ADAMTS6: variants seen among roughly 807,000 people sequenced by gnomAD.
ADAMTS6 encodes ADAM metallopeptidase with thrombospondin type 1 motif 6.
In ADAMTS6, 23 loss-of-function variants were observed where a neutral mutation model predicts 144.3. The observed-to-expected ratio is 0.16, with a 90% confidence interval of 0.11 to 0.23. ADAMTS6 has a LOEUF of 0.23. Among genes scored for constraint, ADAMTS6 ranks in the 10% least tolerant of loss-of-function variants. ADAMTS6 has a pLI of 1.00. For synonymous variants in ADAMTS6, 444 were observed against 457.5 expected, an observed-to-expected ratio of 0.97 and a Z score of 0.38; for missense variants, 999 against 1,379.6, an observed-to-expected ratio of 0.72 and a Z score of 4.37.
chr5:65,374,347 T>C (rs1312919741), intron 7 of ADAMTS6, among the ~76,000 whole-genome samples: 2 of 150,342 alleles, frequency 1.3e-5, no homozygotes, highest in Admixed American at 1.3e-4. Flanking sequence ...CATGATTGTA[T>C]ATCTAGAAAA....
intron 7 of ADAMTS6, among the ~76,000 whole-genome samples, chr5:65,383,944 C>T (rs769923872): frequency 4.6e-5 from 7 of 152,170 alleles, no homozygotes; most frequent in African/African-American, 9.7e-5. Flanking sequence ...GATCTACCAC[C>T]CATGCCTTTT....
At chr5:65,194,454 T>A (rs1414871529) in intron 21 of ADAMTS6, among the ~76,000 whole-genome samples, 1 of 152,172 alleles carries the variant, frequency 6.6e-6, no homozygotes, top group Non-Finnish European at 1.5e-5. Flanking sequence ...CTGAGCACAT[T>A]TACGGTGCAC....
intron 8 of ADAMTS6, among the ~76,000 whole-genome samples, chr5:65,329,958 A>G (rs184597889): frequency 1.3e-5 from 2 of 152,260 alleles, no homozygotes; most frequent in Non-Finnish European, 2.9e-5. Context: ...TATTTTTATT[A>G]AAAAATAAAA....
At chr5:65,341,001 T>C (rs554203070) in intron 7 of ADAMTS6, among the ~76,000 whole-genome samples, 44 of 152,096 alleles carry the variant, frequency 2.9e-4, no homozygotes, top group Non-Finnish European at 5.2e-4. Context: ...CTCTCAGCAT[T>C]GGACAGATCA....
At chr5:65,259,509 T>C (rs145318276) in intron 14 of ADAMTS6, among the ~76,000 whole-genome samples, 6 of 152,170 alleles carry the variant, frequency 3.9e-5, no homozygotes, top group Non-Finnish European at 8.8e-5. Context: ...GAAAGTGAAG[T>C]AGTAAGCTGA....
chr5:65,472,083 T>C (rs1196584216), intron 2 of ADAMTS6, among the ~76,000 whole-genome samples: 1 of 152,220 alleles, frequency 6.6e-6, no homozygotes, highest in African/African-American at 2.4e-5. Flanking sequence ...AGGAATGCAG[T>C]AGTGATACAT....
chr5:65,432,337 A>C (rs921721954), intron 7 of ADAMTS6, among the ~76,000 whole-genome samples: 1 of 151,524 alleles, frequency 6.6e-6, no homozygotes, highest in Non-Finnish European at 1.5e-5. Context: ...CTCATCAAAA[A>C]CTCCCCATCT....
chr5:65,398,840 GAAAGAAAGAAAA>G (rs1218762463), intron 7 of ADAMTS6, among the ~76,000 whole-genome samples: 20 of 121,410 alleles, frequency 1.6e-4, no homozygotes, highest in East Asian at 1.1e-3. Context: ...AAGAAAGAAA[GAAAGAAAGAAAA>G]AGAAAGAGAA....
chr5:65,218,505 C>T (rs1309380022), intron 18 of ADAMTS6, among the ~76,000 whole-genome samples: 4 of 151,954 alleles, frequency 2.6e-5, no homozygotes, highest in Admixed American at 2.0e-4. Flanking sequence ...AGAAACAGAC[C>T]CAGAAATAAC....
chr5:65,406,954 A>C (rs1019493002), intron 7 of ADAMTS6, among the ~76,000 whole-genome samples: 1 of 152,174 alleles, frequency 6.6e-6, no homozygotes, highest in Non-Finnish European at 1.5e-5. Flanking sequence ...AAAAAGAAAC[A>C]GACAAAGCCT....
chr5:65,407,822 A>T (rs1754683755), intron 7 of ADAMTS6, among the ~76,000 whole-genome samples: 1 of 152,156 alleles, frequency 6.6e-6, no homozygotes, highest in Non-Finnish European at 1.5e-5. Context: ...GGCACTATTC[A>T]CAATAGCAAA....
intron 20 of ADAMTS6, among the ~76,000 whole-genome samples, chr5:65,205,716 A>G (rs906080311): frequency 6.6e-6 from 1 of 152,226 alleles, no homozygotes. Context: ...AATAAATGCA[A>G]TAGTATAGGT....
chr5:65,286,843 G>A (rs968596326), intron 11 of ADAMTS6, among the ~76,000 whole-genome samples: 1 of 152,040 alleles, frequency 6.6e-6, no homozygotes, highest in Non-Finnish European at 1.5e-5. Flanking sequence ...TCCTTCCTAC[G>A]TTTAAACTTA....
chr5:65,398,804 GA>G (rs150395612), intron 7 of ADAMTS6, among the ~76,000 whole-genome samples: 11 of 82,620 alleles, frequency 1.3e-4, no homozygotes, highest in Non-Finnish European at 2.9e-4. Context: ...AAGAAAGAAA[GA>G]AAGAAAGAAA....
At chr5:65,375,770 CA>C (rs1252072066) in intron 7 of ADAMTS6, among the ~76,000 whole-genome samples, 1 of 152,082 alleles carries the variant, frequency 6.6e-6, no homozygotes, top group Non-Finnish European at 1.5e-5. Context: ...GATATATACC[CA>C]AAGGATTATA....
intron 2 of ADAMTS6, among the ~76,000 whole-genome samples, chr5:65,472,703 A>G (rs1760557212): frequency 6.6e-6 from 1 of 152,210 alleles, no homozygotes; most frequent in African/African-American, 2.4e-5. Context: ...ACACACTAAT[A>G]TAAACTCCTA....
intron 11 of ADAMTS6, among the ~76,000 whole-genome samples, chr5:65,274,008 T>C (rs1228203724): frequency 6.6e-6 from 1 of 152,168 alleles, no homozygotes; most frequent in Non-Finnish European, 1.5e-5. Context: ...AACAACGTTA[T>C]TTTCAGTACA....
At chr5:65,224,095 T>C (rs1456970410) in intron 18 of ADAMTS6, among the ~76,000 whole-genome samples, 1 of 152,126 alleles carries the variant, frequency 6.6e-6, no homozygotes, top group Non-Finnish European at 1.5e-5. Flanking sequence ...CCACAGCGCC[T>C]GGCCTGATTT....
intron 22 of ADAMTS6, among the ~76,000 whole-genome samples, chr5:65,183,417 T>C (rs868556350): frequency 6.6e-6 from 1 of 151,940 alleles, no homozygotes; most frequent in Admixed American, 6.6e-5. Flanking sequence ...ATTTTAATTT[T>C]ATTATTATTA....
Sources: gnomAD v4.1 joint callset for allele counts (sites outside exome capture counted in the v4.1 genomes callset) on GRCh38, gnomAD v4.1.1 for gene constraint, MANE v1.5 for transcripts, NCBI Gene and HGNC (gene_info 2026-07-23, HGNC 2026-07-21) for gene names.